Variants in TXLNB observed in about 807,000 individuals in gnomAD.
TXLNB encodes the protein beta-taxilin.
In TXLNB, 37 loss-of-function variants were observed where a neutral mutation model predicts 57.4. That is an observed-to-expected ratio of 0.64 (90% CI 0.50 to 0.85). The LOEUF is 0.85. Among genes scored for constraint, TXLNB ranks in the 40% least tolerant of loss-of-function variants. The pLI, the probability that TXLNB is intolerant of heterozygous loss-of-function variation, is 0.00. For missense variants in TXLNB, 848 were observed against 825.6 expected (o/e 1.03, Z -0.33); for synonymous variants, 302 against 309.6 (o/e 0.98, Z 0.26).
At chr6:139,250,357 CTTTT>C (rs61441759) in intron 7 of TXLNB, among the ~76,000 whole-genome samples, 9 of 118,892 alleles carry the variant, frequency 7.6e-5, no homozygotes, top group Non-Finnish European at 1.4e-4. Context: ...TTCTTTCTTT[CTTTT>C]TTTTTTTTTT....
the TXLNB span, among the ~76,000 whole-genome samples, chr6:139,194,903 G>A: frequency 2.6e-5 from 4 of 152,184 alleles, no homozygotes; most frequent in African/African-American, 7.2e-5. Flanking sequence ...AATACCAGGC[G>A]TGTTGCCACT....
At chr6:139,243,359 C>A (rs577725090) in intron 9 of TXLNB, 45 bp from the exon 10 acceptor site, 8 of 1,534,968 alleles carry the variant, frequency 5.2e-6, no homozygotes, top group Admixed American at 2.0e-5. Flanking sequence ...GATGAAATGA[C>A]ATGATAAGCA....
chr6:139,231,016 C>A, the TXLNB span, among the ~76,000 whole-genome samples: 1 of 152,156 alleles, frequency 6.6e-6, no homozygotes, highest in East Asian at 1.9e-4. Flanking sequence ...TACAAGCATT[C>A]ATATAGAACT....
At chr6:139,191,101 T>C in the TXLNB span, among the ~76,000 whole-genome samples, 1 of 96,196 alleles carries the variant, frequency 1.0e-5, no homozygotes, top group African/African-American at 4.1e-5. Context: ...CAAATGAAGT[T>C]TAATTTTTTT....
At chr6:139,297,779 A>T in the TXLNB span, among the ~76,000 whole-genome samples, 1 of 152,208 alleles carries the variant, frequency 6.6e-6, no homozygotes, top group African/African-American at 2.4e-5. Context: ...AATGGGAATT[A>T]ATATTTTCTA....
At chr6:139,215,646 A>G in the TXLNB span, among the ~76,000 whole-genome samples, 26 of 152,324 alleles carry the variant, frequency 1.7e-4, no homozygotes, top group African/African-American at 6.0e-4. Flanking sequence ...TAAACTAAAG[A>G]GCTTCTGCAC....
intron 4 of TXLNB, among the ~76,000 whole-genome samples, chr6:139,267,909 T>C (rs571206866): frequency 6.6e-6 from 1 of 152,116 alleles, no homozygotes; most frequent in South Asian, 2.1e-4. Context: ...TCCCAACACT[T>C]TGGGAGGCCG....
chr6:139,168,415 G>A, the TXLNB span, among the ~76,000 whole-genome samples: 19 of 146,888 alleles, frequency 1.3e-4, no homozygotes, highest in Admixed American at 2.1e-4. Context: ...TGATTATTTT[G>A]ATTTGCATAG....
chr6:139,292,878 A>T (rs79700047), upstream of TXLNB, among the ~76,000 whole-genome samples: 1,901 of 152,256 alleles, frequency 0.012, 51 homozygotes, highest in African/African-American at 0.043. The surrounding 1 kb of genome is among the most constrained non-coding windows in gnomAD (Gnocchi z 4.0). Context: ...TCCAAAGCAG[A>T]TTCCTCCATC....
the TXLNB span, among the ~76,000 whole-genome samples, chr6:139,181,512 C>T: frequency 7.9e-5 from 12 of 152,274 alleles, no homozygotes; most frequent in East Asian, 1.2e-3. Context: ...CCCGGTATTG[C>T]GGTGCTTGTA....
the TXLNB span, among the ~76,000 whole-genome samples, chr6:139,162,877 C>T: frequency 1.3e-5 from 2 of 152,136 alleles, no homozygotes; most frequent in Admixed American, 6.5e-5. Flanking sequence ...GGCCTGTATT[C>T]CCTGAGCTCA....
At chr6:139,319,223 T>G in the TXLNB span, among the ~76,000 whole-genome samples, 21 of 151,876 alleles carry the variant, frequency 1.4e-4, no homozygotes. Flanking sequence ...ATTACAGGCA[T>G]GAGCACCACA....
chr6:139,259,100 C>T (rs1329533492), intron 6 of TXLNB, among the ~76,000 whole-genome samples: 1 of 152,166 alleles, frequency 6.6e-6, no homozygotes, highest in Non-Finnish European at 1.5e-5. Context: ...TCATCCATCT[C>T]CACCCCTCTT....
At chr6:139,204,512 C>T in the TXLNB span, among the ~76,000 whole-genome samples, 4 of 152,282 alleles carry the variant, frequency 2.6e-5, no homozygotes, top group South Asian at 6.2e-4. Context: ...AGGGAGGGGT[C>T]ACAGGGTGAA....
At chr6:139,160,824 ATT>A in the TXLNB span, among the ~76,000 whole-genome samples, 26 of 152,380 alleles carry the variant, frequency 1.7e-4, no homozygotes, top group African/African-American at 5.5e-4. Context: ...GCGGTATAAA[ATT>A]ATGGTAGCAT....
At chr6:139,319,832 T>A in the TXLNB span, among the ~76,000 whole-genome samples, 3 of 152,088 alleles carry the variant, frequency 2.0e-5, no homozygotes, top group African/African-American at 7.2e-5. Flanking sequence ...GTATTTCACA[T>A]GAATTAATAA....
At chr6:139,313,333 A>G in the TXLNB span, among the ~76,000 whole-genome samples, 82 of 152,056 alleles carry the variant, frequency 5.4e-4, no homozygotes, top group Non-Finnish European at 9.0e-4. Context: ...CGGCCTCCCA[A>G]AGTGTTGGGA....
the TXLNB span, among the ~76,000 whole-genome samples, chr6:139,174,936 A>G: frequency 3.3e-5 from 5 of 152,184 alleles, no homozygotes; most frequent in African/African-American, 1.2e-4. Flanking sequence ...TGATTAGCTT[A>G]TAGTAAATTT....
chr6:139,239,869 C>T (rs930963424), downstream of TXLNB, among the ~76,000 whole-genome samples: 2 of 151,354 alleles, frequency 1.3e-5, no homozygotes, highest in Non-Finnish European at 2.9e-5. This position sits in a 1 kb window ranked among gnomAD's most constrained non-coding sequence, Gnocchi z 4.7. Context: ...CTGTCTGTCA[C>T]ATACACACAC....
Sources: allele counts gnomAD v4.1 joint callset (sites outside exome capture counted in the v4.1 genomes callset), GRCh38; gene constraint gnomAD v4.1.1; non-coding constraint Gnocchi (gnomAD v3.1); transcripts MANE v1.5; gene names NCBI Gene and HGNC (gene_info 2026-07-23, HGNC 2026-07-21).